Variants in ZNF276 observed in about 807,000 individuals in gnomAD.
The protein encoded by ZNF276 is zinc finger protein 276.
ZNF276 carries 59 observed loss-of-function variants against 63.9 expected under a neutral mutation model. The observed-to-expected ratio is 0.92, with a 90% CI of 0.75 to 1.15. The LOEUF (loss-of-function observed/expected upper bound fraction) is 1.15, where lower values mean the gene tolerates loss of function less well. Ranked by LOEUF, ZNF276 falls within the 50% of genes most tolerant of loss-of-function variation. The probability of loss-of-function intolerance (pLI) is 0.00; values close to 1 mark genes in which losing one functional copy is unlikely to be tolerated. For synonymous variants in ZNF276, 496 were observed against 348.4 expected (o/e 1.42, Z -4.72); for missense variants, 1,084 against 843.8 (o/e 1.28, Z -3.53).
chr16:89,729,136 G>A, intron 5 of ZNF276, 99 bp from the exon 6 acceptor site: 1 of 941,998 alleles, frequency 1.1e-6, no homozygotes. Flanking sequence ...TCAAATGTGG[G>A]ACATGGGGGT....
At chr16:89,723,752 C>T (rs751153649) in intron 4 of ZNF276, 43 bp downstream of exon 4, 4 of 1,564,994 alleles carry the variant, frequency 2.6e-6, no homozygotes, top group Non-Finnish European at 3.5e-6. Context: ...GATGTGTGCT[C>T]CTCAGTGGGG....
rs745918714 is a variant in ZNF276 at position 89,739,910 on chromosome 16, A to G, written c.*1664A>G. The G allele has an allele frequency of 1.9e-6, 3 of 1,590,778 alleles. No individual in the cohort carries two copies. In the South Asian group the frequency reaches 3.4e-5, roughly 18 times the overall value. On this transcript the variant is annotated 3_prime_UTR_variant, in exon 11 of 11. Transcript: ENST00000443381. ...TAAACTTACTTAGCAAGGAACCTCA[A>G]GGAGGGCTCGTTCTTAACCATTTGC...
At position 89,740,415 on chromosome 16, in the gene ZNF276, G is replaced by C. The variant is rs753221476; in HGVS notation, c.*2169G>C. 1 of 466,922 alleles carries C rather than the reference G, an allele frequency of 2.1e-6. No homozygotes were observed. The highest frequency in any genetic ancestry group is 1.9e-5 in the African/African-American group (1 of 51,322). 28.9% of individuals were successfully genotyped at this position (466,922 alleles called of 1,614,324 possible). ...AACACTTTGGGAGGCCGAGGTCGGC[G>C]GATCACTGAGGCCAGTTCAAGACCA... On this transcript the variant is annotated 3_prime_UTR_variant, in exon 11 of 11. Coordinates refer to ENST00000443381, the MANE Select transcript of ZNF276 (RefSeq NM_001113525.2).
Position 89,739,617 on chromosome 16 carries a change from C to T in ZNF276, c.*1371C>T. Reference sequence around the variant, plus strand: ...CTCTGCCTATTATCAGTGCTGGGGACACCCCTGGGGGTCGGGACGTGTACC... The same window carrying T: ...CTCTGCCTATTATCAGTGCTGGGGATACCCCTGGGGGTCGGGACGTGTACC... On this transcript the variant is annotated 3_prime_UTR_variant, in exon 11 of 11. Coordinates refer to ENST00000443381, the MANE Select transcript of ZNF276 (RefSeq NM_001113525.2). 1 of 1,532,582 alleles carries T rather than the reference C, an allele frequency of 6.5e-7. No individual in the cohort carries two copies. Among genetic ancestry groups the T allele is most frequent in the Non-Finnish European group, 8.8e-7 (1 of 1,130,640 alleles). The allele number at this position is 1,532,582 out of a possible 1,614,324, so 94.9% of individuals were successfully genotyped here.
chr16:89,733,440 T>C (rs1013562434), intron 7 of ZNF276, 28 bp downstream of exon 7: 1 of 1,613,972 alleles, frequency 6.2e-7, no homozygotes, highest in Non-Finnish European at 8.5e-7. Flanking sequence ...AGGCTCGCCC[T>C]GCCTGTCGGG....
chr16:89,732,730 GCCCCTGACCCTGCTGTACCA>G (rs1344704894), intron 6 of ZNF276: 3,684 of 151,114 alleles, frequency 0.024, 150 homozygotes, highest in Middle Eastern at 0.059. Context: ...TCTGCCGTTT[GCCCCTGACCCTGCTGTACCA>G]TGCCCTCGCC....
Position 89,740,370 on chromosome 16 carries a change from T to C in ZNF276, c.*2124T>C, listed in dbSNP as rs985145063. 1.9e-6 allele frequency: 1 copy of C among 515,874 alleles called. No homozygotes were observed. Among genetic ancestry groups the C allele is most frequent in the Non-Finnish European group, 3.5e-6 (1 of 285,022 alleles). The allele number at this position is 515,874 out of a possible 1,614,324, so 32.0% of individuals were successfully genotyped here. On this transcript the variant is annotated 3_prime_UTR_variant, in exon 11 of 11. Coordinates refer to ENST00000443381, the MANE Select transcript of ZNF276 (RefSeq NM_001113525.2). Reference sequence around the variant, plus strand: ...AGAAAGGCCCACAGGCCGGATGCAGTGGCTCATGCCTGTAATCCCAACACT... The same window carrying C: ...AGAAAGGCCCACAGGCCGGATGCAGCGGCTCATGCCTGTAATCCCAACACT...
In ZNF276 at chr16:89,740,757, T is replaced by C; in HGVS notation, c.*2511T>C. 4 of 1,563,130 alleles carry C rather than the reference T, an allele frequency of 2.6e-6. No individual in the cohort carries two copies. Among genetic ancestry groups the C allele is most frequent in the Middle Eastern group, 1.7e-4 (1 of 5,988 alleles). ...AAGCTGGCTGCCTGGTGCCCCTGCC[T>C]GGCCCACAGTGGGAGAGGACACCTT... is the stretch of plus-strand genomic sequence containing the variant. On this transcript the variant is annotated 3_prime_UTR_variant, in exon 11 of 11. Transcript: ENST00000443381.
chr16:89,721,839 G>A lies in ZNF276; in HGVS notation c.199G>A (p.Glu67Lys), dbSNP rs1486433152. Reference protein sequence around the residue: ...CGDAGEDGADEAGAGRALAMG... With the variant: ...CGDAGEDGADKAGAGRALAMG... ...GGACGCGGGCGAGGACGGCGCGGAC[G>A]AGGCAGGTGGGTCCGCGGCCCGGGC... is the stretch of plus-strand genomic sequence containing the variant. Residue 67 changes from glutamate to lysine, a missense_variant, in exon 1 of 11, where the codon GAG (glutamate) becomes AAG (lysine). Transcript: ENST00000443381. 21 of 1,212,256 alleles carry A rather than the reference G, an allele frequency of 1.7e-5. No individual in the cohort carries two copies. The highest frequency in any genetic ancestry group is 2.0e-5 in the Non-Finnish European group (20 of 975,704). 75.1% of individuals were successfully genotyped at this position (1,212,256 alleles called of 1,614,324 possible). A position where few individuals can be genotyped will look rare whatever the true frequency, so the allele number is the denominator to read the frequency against.
intron 6 of ZNF276, among the ~76,000 whole-genome samples, chr16:89,730,572 C>A (rs2061612826): frequency 6.6e-6 from 1 of 152,138 alleles, no homozygotes; most frequent in Non-Finnish European, 1.5e-5. Flanking sequence ...CCTCTGGGAC[C>A]CCAGGAGTGC....
At position 89,740,225 on chromosome 16, in the gene ZNF276, CAGTTTT is replaced by C. The variant is rs1233440242; in HGVS notation, c.*1981_*1986del. On this transcript the variant is annotated 3_prime_UTR_variant, in exon 11 of 11. Coordinates refer to ENST00000443381, the MANE Select transcript of ZNF276 (RefSeq NM_001113525.2). ...TTATTGTAAGTCTTAAAACTGGTGACAGTTTTACCTATAGAAGGTAATACTGGGCCT... is the reference window on the plus strand; with the variant it reads ...TTATTGTAAGTCTTAAAACTGGTGACACCTATAGAAGGTAATACTGGGCCT... 1 of 841,888 alleles carries C rather than the reference CAGTTTT, an allele frequency of 1.2e-6. No individual in the cohort carries two copies. Among genetic ancestry groups the C allele is most frequent in the African/African-American group, 1.7e-5 (1 of 60,320 alleles). The allele number at this position is 841,888 out of a possible 1,614,324, so 52.2% of individuals were successfully genotyped here.
chr16:89,732,648 G>C, intron 6 of ZNF276: 1 of 211,982 alleles, frequency 4.7e-6, no homozygotes, highest in South Asian at 6.0e-5. Context: ...TGTTTGCCCT[G>C]ACCCTCCTGT....
chr16:89,734,603 G>A (rs2061786884), intron 9 of ZNF276, among the ~76,000 whole-genome samples: 1 of 152,068 alleles, frequency 6.6e-6, no homozygotes, highest in African/African-American at 2.4e-5. Flanking sequence ...ACAGGTGTGA[G>A]CACTGCACCT....
chr16:89,737,551 A>G (rs2061977400), intron 9 of ZNF276: 10 of 541,030 alleles, frequency 1.8e-5, no homozygotes, highest in South Asian at 1.8e-4. Flanking sequence ...ATCTGTGGTT[A>G]AGGAAATAGC....
At chr16:89,721,927 C>A in intron 1 of ZNF276, 82 bp downstream of exon 1, 2 of 996,378 alleles carry the variant, frequency 2.0e-6, no homozygotes, top group Non-Finnish European at 2.6e-6. Context: ...GCCCGGAAGC[C>A]GGCGCGGCCT....
chr16:89,723,099 C>A, intron 2 of ZNF276, 38 bp from the exon 3 acceptor site: 1 of 1,612,972 alleles, frequency 6.2e-7, no homozygotes, highest in East Asian at 2.2e-5. Flanking sequence ...GAACCTCCGC[C>A]TGCTTGTCCT....
At chr16:89,736,640 T>C (rs2061908708) in intron 9 of ZNF276, among the ~76,000 whole-genome samples, 1 of 151,658 alleles carries the variant, frequency 6.6e-6, no homozygotes, top group Non-Finnish European at 1.5e-5. Flanking sequence ...CCCCAAATTT[T>C]TTAAATTACC....
chr16:89,737,742 A>G (rs751394130), intron 9 of ZNF276, 64 bp from the exon 10 acceptor site: 124 of 1,606,374 alleles, frequency 7.7e-5, no homozygotes, highest in Middle Eastern at 3.3e-4. Context: ...TCACATTGTC[A>G]TCGTCGTCCC....
intron 6 of ZNF276, chr16:89,733,059 T>A: frequency 1.9e-6 from 1 of 525,654 alleles, no homozygotes; most frequent in Non-Finnish European, 3.4e-6. Context: ...GCCCTCGCCC[T>A]CTGCTGTGTT....
Sources: allele counts gnomAD v4.1 joint callset (sites outside exome capture counted in the v4.1 genomes callset), GRCh38; gene constraint gnomAD v4.1.1; transcripts MANE v1.5; gene names NCBI Gene and HGNC (gene_info 2026-07-23, HGNC 2026-07-21).